The following SCG5 variants were observed in gnomAD, a reference collection of about 807,000 sequenced individuals.
The protein encoded by SCG5 is neuroendocrine protein 7B2.
In SCG5, 18 loss-of-function variants were observed where a neutral mutation model predicts 25.7. The observed-to-expected ratio is 0.70, with a 90% confidence interval of 0.48 to 1.04. The LOEUF is 1.04. Ranked by LOEUF, SCG5 falls within the 50% of genes least tolerant of loss-of-function variation. The pLI, the probability that SCG5 is intolerant of heterozygous loss-of-function variation, is 0.00. For missense variants in SCG5, 206 were observed against 259.8 expected, an observed-to-expected ratio of 0.79 and a Z score of 1.42; for synonymous variants, 101 against 91.7, an observed-to-expected ratio of 1.10 and a Z score of -0.58.
chr15:32,667,392 C>T (rs966183357), intron 2 of SCG5, among the ~76,000 whole-genome samples: 3 of 152,182 alleles, frequency 2.0e-5, no homozygotes, highest in Admixed American at 2.0e-4. Flanking sequence ...TTTCTTCACC[C>T]GTTTTACCAT....
At chr15:32,692,127 A>C in intron 5 of SCG5, 1 of 1,093,516 alleles carries the variant, frequency 9.1e-7, no homozygotes, top group Non-Finnish European at 1.1e-6. Context: ...CTGATCACAC[A>C]TCTGCATCAA....
At chr15:32,650,911 C>T (rs1040212911) in intron 2 of SCG5, among the ~76,000 whole-genome samples, 2 of 152,116 alleles carry the variant, frequency 1.3e-5, no homozygotes, top group Non-Finnish European at 2.9e-5. Context: ...AAAATACCCA[C>T]GTTCTGCCGG....
intron 2 of SCG5, among the ~76,000 whole-genome samples, chr15:32,657,211 A>ATATATATATATATATATATATATATG (rs1555433850): frequency 2.0e-5 from 2 of 102,464 alleles, no homozygotes; most frequent in African/African-American, 6.8e-5. Flanking sequence ...ATATATATAT[A>ATATATATATATATATATATATATATG]TGTATGTATT....
intron 2 of SCG5, among the ~76,000 whole-genome samples, chr15:32,659,382 G>A (rs896933256): frequency 2.0e-5 from 3 of 152,174 alleles, no homozygotes; most frequent in Admixed American, 6.5e-5. Flanking sequence ...CTCATGGCAA[G>A]TTAGACGATC....
intron 2 of SCG5, among the ~76,000 whole-genome samples, chr15:32,664,586 C>G (rs957113452): frequency 6.6e-6 from 1 of 152,094 alleles, no homozygotes; most frequent in Non-Finnish European, 1.5e-5. Context: ...AAATAACACA[C>G]AATTGCAAAT....
chr15:32,643,751 T>C lies in SCG5; in HGVS notation c.159T>C (p.Ile53=), dbSNP rs761700525. ...LLHGVMEQLG[I]ARPRVEYPAH... Reference sequence around the variant, plus strand: ...ATGGTGTTATGGAGCAATTGGGCATTGCCAGGCCCCGAGTGGAATATCCAG... The same window carrying C: ...ATGGTGTTATGGAGCAATTGGGCATCGCCAGGCCCCGAGTGGAATATCCAG... Residue 53 remains isoleucine (I), a synonymous_variant, in exon 2 of 6, where the codon ATT becomes ATC. Coordinates refer to ENST00000300175, the MANE Select transcript of SCG5 (RefSeq NM_001144757.3). 92 of 1,613,988 alleles carry C rather than the reference T, an allele frequency of 5.7e-5. 1 individual carries two copies. The Admixed American group carries it at 1.5e-3, about 26-fold the overall frequency.
intron 2 of SCG5, among the ~76,000 whole-genome samples, chr15:32,651,223 C>T (rs922284883): frequency 4.6e-5 from 7 of 152,092 alleles, no homozygotes; most frequent in Admixed American, 3.9e-4. Context: ...AAATAAAATA[C>T]GTTCTTTTTT....
chr15:32,695,887 T>A (rs1230612330), intron 5 of SCG5, among the ~76,000 whole-genome samples: 1 of 152,222 alleles, frequency 6.6e-6, no homozygotes, highest in Non-Finnish European at 1.5e-5. Flanking sequence ...TGAGGTGGTT[T>A]ACTGCACTTC....
intron 2 of SCG5, among the ~76,000 whole-genome samples, chr15:32,671,801 G>A (rs1353185619): frequency 1.3e-5 from 2 of 152,114 alleles, no homozygotes; most frequent in African/African-American, 2.4e-5. Context: ...TGGTGCCTGC[G>A]GCCGGTGTCG....
At chr15:32,650,359 C>T (rs1413403341) in intron 2 of SCG5, among the ~76,000 whole-genome samples, 1 of 152,212 alleles carries the variant, frequency 6.6e-6, no homozygotes, top group East Asian at 1.9e-4. Context: ...TCTCGGCCTC[C>T]CAAAGTGCTG....
At chr15:32,659,625 G>GCC (rs2054183685) in intron 2 of SCG5, among the ~76,000 whole-genome samples, 1 of 152,182 alleles carries the variant, frequency 6.6e-6, no homozygotes, top group African/African-American at 2.4e-5. Context: ...AAACAGCCAG[G>GCC]CCAGGAGGCT....
intron 2 of SCG5, among the ~76,000 whole-genome samples, chr15:32,665,258 C>CT (rs1316536606): frequency 2.0e-5 from 3 of 152,128 alleles, no homozygotes; most frequent in African/African-American, 7.2e-5. Context: ...ATCCATGCCT[C>CT]TTGTCAAGAA....
intron 3 of SCG5, among the ~76,000 whole-genome samples, chr15:32,681,638 T>G (rs529961905): frequency 1.3e-5 from 2 of 151,982 alleles, no homozygotes; most frequent in South Asian, 4.2e-4. Context: ...TTTGTAGAGG[T>G]GGGGTCTCAT....
At chr15:32,685,753 A>G (rs1000973005) in intron 4 of SCG5, among the ~76,000 whole-genome samples, 9 of 152,164 alleles carry the variant, frequency 5.9e-5, no homozygotes, top group Non-Finnish European at 1.3e-4. Flanking sequence ...ATGGGAGAAA[A>G]GTGGGGAAAT....
chr15:32,689,266 TATG>T (rs1238607479), intron 4 of SCG5, among the ~76,000 whole-genome samples: 2 of 152,204 alleles, frequency 1.3e-5, no homozygotes, highest in African/African-American at 4.8e-5. Context: ...TGCATATTAT[TATG>T]TATTCTGGTG....
intron 2 of SCG5, among the ~76,000 whole-genome samples, chr15:32,665,500 T>C (rs763007324): frequency 1.3e-5 from 2 of 152,126 alleles, no homozygotes; most frequent in Admixed American, 6.5e-5. Flanking sequence ...TATTATTAGG[T>C]TTACATTATT....
intron 4 of SCG5, among the ~76,000 whole-genome samples, chr15:32,690,793 T>C (rs1490856869): frequency 6.7e-6 from 1 of 148,694 alleles, no homozygotes; most frequent in Non-Finnish European, 1.5e-5. Context: ...ACCAGAACTC[T>C]GTGGTTGTCT....
intron 2 of SCG5, among the ~76,000 whole-genome samples, chr15:32,649,319 G>T (rs1235258657): frequency 1.3e-5 from 2 of 152,150 alleles, no homozygotes; most frequent in African/African-American, 2.4e-5. Flanking sequence ...CTGCCTTTTA[G>T]TTCAAGGAAA....
chr15:32,696,741 T>G lies in SCG5; in HGVS notation c.*132T>G. On this transcript the variant is annotated 3_prime_UTR_variant, in exon 6 of 6. Transcript: ENST00000300175. ...TAATTATGGATACAAAGCAGCTGTA[T>G]GTAGATAGTGTATTGTCTTCACACC... 2 of 588,438 alleles carry G rather than the reference T, an allele frequency of 3.4e-6. No homozygotes were observed. The highest frequency in any genetic ancestry group is 6.2e-6 in the Non-Finnish European group (2 of 324,440). 36.5% of individuals were successfully genotyped at this position (588,438 alleles called of 1,614,324 possible).
Sources: allele counts gnomAD v4.1 joint callset (sites outside exome capture counted in the v4.1 genomes callset), GRCh38; gene constraint gnomAD v4.1.1; transcripts MANE v1.5; gene names NCBI Gene and HGNC (gene_info 2026-07-23, HGNC 2026-07-21).